Variants in BACH1 observed in about 807,000 individuals in gnomAD.
BACH1 encodes transcription regulator protein BACH1.
Under a neutral mutation model 52.9 loss-of-function variants are expected in BACH1, and 35 were observed. That is an observed-to-expected ratio of 0.66 (90% confidence interval 0.51 to 0.88). The LOEUF (loss-of-function observed/expected upper bound fraction) is 0.88, where lower values mean the gene tolerates loss of function less well. Among genes scored for constraint, BACH1 ranks in the 40% least tolerant of loss-of-function variants. The pLI is 0.00. For missense variants in BACH1, 808 were observed against 872.6 expected (o/e 0.93, Z 0.93); for synonymous variants, 321 against 319.6 (o/e 1.00, Z -0.05).
At chr21:29,301,538 TA>T (rs1479236024) in intron 1 of BACH1, among the ~76,000 whole-genome samples, 1 of 152,240 alleles carries the variant, frequency 6.6e-6, no homozygotes, top group Admixed American at 6.5e-5. Context: ...AGCTTGAGTG[TA>T]AATTTCTTGT....
Position 29,357,957 on chromosome 21 carries a change from CT to C in BACH1, c.472+28266del, listed in dbSNP as rs538051155. ...GATCTAGTGGAGTCAGCGTGATCCG[CT>C]TCTCCCACTCACCTAGTCCCCACAC... is the stretch of plus-strand genomic sequence containing the variant. On this transcript the variant is annotated intron_variant, in intron 2 of 4. Transcript: ENST00000422809. Among the ~76,000 whole-genome samples, 31 of 152,316 alleles carry C rather than the reference CT, an allele frequency of 2.0e-4. No individual in the cohort carries two copies. The South Asian group carries it at 3.7e-3, about 18-fold the overall frequency.
intron 1 of BACH1, among the ~76,000 whole-genome samples, chr21:29,314,526 T>A (rs980608047): frequency 5.9e-5 from 9 of 152,142 alleles, no homozygotes; most frequent in Non-Finnish European, 1.3e-4. Context: ...AAATGAAAAA[T>A]CTTGCCTGTA....
At chr21:29,303,424 C>T (rs1177824405) in intron 1 of BACH1, among the ~76,000 whole-genome samples, 2 of 152,162 alleles carry the variant, frequency 1.3e-5, no homozygotes, top group African/African-American at 4.8e-5. Flanking sequence ...CTGTTGGTTG[C>T]TGAACTGGGT....
intron 1 of BACH1, among the ~76,000 whole-genome samples, chr21:29,314,963 C>A (rs932443261): frequency 6.6e-6 from 1 of 152,140 alleles, no homozygotes; most frequent in Non-Finnish European, 1.5e-5. Flanking sequence ...GCAGGTGAGT[C>A]GGGTCTTAGG....
chr21:29,318,046 A>C (rs936238994), intron 1 of BACH1, among the ~76,000 whole-genome samples: 1 of 152,134 alleles, frequency 6.6e-6, no homozygotes, highest in African/African-American at 2.4e-5. Context: ...TGATGCGCCT[A>C]TGTGGGTCTT....
chr21:29,348,878 A>G (rs1443831964), downstream of BACH1, among the ~76,000 whole-genome samples: 1 of 152,058 alleles, frequency 6.6e-6, no homozygotes, highest in Non-Finnish European at 1.5e-5. Flanking sequence ...GCGGATCACG[A>G]GGTCAGGAGA....
chr21:29,313,213 T>C (rs2088747049), intron 1 of BACH1, among the ~76,000 whole-genome samples: 1 of 151,956 alleles, frequency 6.6e-6, no homozygotes, highest in Non-Finnish European at 1.5e-5. Context: ...AAAAGGTCCA[T>C]GCATGATTTT....
Position 29,313,296 on chromosome 21 carries a change from C to T in BACH1, c.-60-7925C>T, listed in dbSNP as rs546770441. ...AGGGATGGACACGTCTTACGTAGAG[C>T]ATTCTAATTAATTGCCATACATTGG... On this transcript the variant is annotated intron_variant, in intron 1 of 4. Transcript: ENST00000286800. Among the ~76,000 whole-genome samples, 3 of 152,302 alleles carry T rather than the reference C, an allele frequency of 2.0e-5. No homozygotes were observed. In the East Asian group the frequency reaches 5.8e-4, roughly 29 times the overall value.
downstream of BACH1, among the ~76,000 whole-genome samples, chr21:29,349,797 T>A (rs2089191869): frequency 6.6e-6 from 1 of 151,982 alleles, no homozygotes; most frequent in African/African-American, 2.4e-5. Flanking sequence ...TGGCTGGGGA[T>A]TGGCTTGATT....
At chr21:29,328,750 CTG>C (rs1207423747) in intron 3 of BACH1, among the ~76,000 whole-genome samples, 2 of 152,148 alleles carry the variant, frequency 1.3e-5, no homozygotes, top group African/African-American at 4.8e-5. Context: ...CTCTCTGTTT[CTG>C]TGAGTTTGAC....
At chr21:29,321,945 A>G (rs1275165597) in intron 2 of BACH1, among the ~76,000 whole-genome samples, 1 of 152,140 alleles carries the variant, frequency 6.6e-6, no homozygotes, top group East Asian at 1.9e-4. Context: ...TTTTTAAAGG[A>G]AAGAAGTTTA....
chr21:29,359,553 G>A (rs1020331812), intron 2 of BACH1: 2 of 151,300 alleles, frequency 1.3e-5, no homozygotes, highest in Non-Finnish European at 2.9e-5. Flanking sequence ...TATCAAACAC[G>A]ATTTTAAGCA....
chr21:29,330,803 G>A (rs1283752019), intron 4 of BACH1, among the ~76,000 whole-genome samples: 1 of 151,780 alleles, frequency 6.6e-6, no homozygotes, highest in African/African-American at 2.4e-5. Flanking sequence ...GTGCCTCCAG[G>A]AGAAGTTGAA....
chr21:29,301,971 C>T (rs1445968777), intron 1 of BACH1, among the ~76,000 whole-genome samples: 1 of 152,096 alleles, frequency 6.6e-6, no homozygotes, highest in Admixed American at 6.5e-5. Context: ...CTTCTACACC[C>T]CTGTACTGTG....
chr21:29,326,142 G>A lies in BACH1; in HGVS notation c.318G>A (p.Val106=), dbSNP rs2088907700. 4.3e-6 allele frequency: 7 copies of A among 1,614,172 alleles called. No homozygotes were observed. The East Asian group carries it at 1.3e-4, about 31-fold the overall frequency. ...TAAGTAAAGAGAATGTGGATGAAGT[G>A]TGCAAATGTGTGGAGTTTTTAAGTG... is the stretch of plus-strand genomic sequence containing the variant. ...LILSKENVDE[V]CKCVEFLSVH... The change falls in exon 3 of 5, where the codon GTG becomes GTA. Residue 106 remains valine (V), a synonymous_variant. Coordinates refer to ENST00000286800, the MANE Select transcript of BACH1 (RefSeq NM_001186.4).
chr21:29,353,770 C>T (rs1251230383), intron 2 of BACH1, among the ~76,000 whole-genome samples: 1 of 152,148 alleles, frequency 6.6e-6, no homozygotes, highest in African/African-American at 2.4e-5. Context: ...ACACAAAGGA[C>T]TGGCACCTTA....
intron 1 of BACH1, among the ~76,000 whole-genome samples, chr21:29,309,748 TTGA>T (rs1385853946): frequency 6.6e-6 from 1 of 152,238 alleles, no homozygotes; most frequent in Non-Finnish European, 1.5e-5. Flanking sequence ...GATCACATGG[TTGA>T]TGATATCAGT....
downstream of BACH1, among the ~76,000 whole-genome samples, chr21:29,351,092 C>G (rs922427400): frequency 1.3e-5 from 2 of 152,168 alleles, no homozygotes; most frequent in African/African-American, 4.8e-5. Flanking sequence ...CATTTTAAAA[C>G]AGCCATCCTT....
At chr21:29,320,893 G>A (rs1055767813) in intron 1 of BACH1, among the ~76,000 whole-genome samples, 2 of 152,066 alleles carry the variant, frequency 1.3e-5, no homozygotes, top group African/African-American at 2.4e-5. Context: ...CAATAGGATT[G>A]GGATGCCACC....
Sources: gnomAD v4.1 joint callset for allele counts (sites outside exome capture counted in the v4.1 genomes callset) on GRCh38, gnomAD v4.1.1 for gene constraint, MANE v1.5 for transcripts, NCBI Gene and HGNC (gene_info 2026-07-23, HGNC 2026-07-21) for gene names.